SRGAP1: variants seen among roughly 807,000 people sequenced by gnomAD.
The protein encoded by SRGAP1 is SLIT-ROBO Rho GTPase activating protein 1, also known as SLIT-ROBO Rho GTPase-activating protein 1.
In SRGAP1, 43 loss-of-function variants were observed where a neutral mutation model predicts 121.9. That is an observed-to-expected ratio of 0.35 (90% CI 0.28 to 0.46). The LOEUF (loss-of-function observed/expected upper bound fraction) is 0.46. Among genes scored for constraint, SRGAP1 ranks in the 20% least tolerant of loss-of-function variants. SRGAP1 has a pLI of 1.00. For synonymous variants in SRGAP1, 447 were observed against 485.4 expected (o/e 0.92, Z 1.04); for missense variants, 1,102 against 1,350.9 (o/e 0.82, Z 2.89).
chr12:63,880,787 T>C (rs2136285958), intron 1 of SRGAP1, among the ~76,000 whole-genome samples: 1 of 152,360 alleles, frequency 6.6e-6, no homozygotes. Flanking sequence ...TCCACAGAAC[T>C]GTGGACTTTG....
At chr12:64,002,968 T>C (rs886910239) in intron 3 of SRGAP1, among the ~76,000 whole-genome samples, 2 of 150,258 alleles carry the variant, frequency 1.3e-5, no homozygotes, top group Non-Finnish European at 2.9e-5. Context: ...AATTCTGAGA[T>C]GACACAGATG....
intron 1 of SRGAP1, among the ~76,000 whole-genome samples, chr12:63,970,421 A>G (rs777493590): frequency 6.6e-6 from 1 of 152,214 alleles, no homozygotes; most frequent in Non-Finnish European, 1.5e-5. Flanking sequence ...AGACCTTACA[A>G]AAAACTTATA....
intron 3 of SRGAP1, among the ~76,000 whole-genome samples, chr12:63,998,632 A>G (rs2033785140): frequency 6.6e-6 from 1 of 152,184 alleles, no homozygotes; most frequent in African/African-American, 2.4e-5. Context: ...GATTATTTAT[A>G]TTCTTTTTCA....
chr12:63,892,424 T>G (rs1221786646), intron 1 of SRGAP1, among the ~76,000 whole-genome samples: 1 of 152,258 alleles, frequency 6.6e-6, no homozygotes, highest in Non-Finnish European at 1.5e-5. Flanking sequence ...ATGCCTTCTA[T>G]GTAATGATAT....
chr12:64,055,103 C>A (rs1487180588), intron 6 of SRGAP1, among the ~76,000 whole-genome samples: 1 of 150,978 alleles, frequency 6.6e-6, no homozygotes, highest in African/African-American at 2.4e-5. Flanking sequence ...TCTAGAAAAC[C>A]CCAATGTCTC....
intron 1 of SRGAP1, among the ~76,000 whole-genome samples, chr12:63,859,286 A>C (rs992571571): frequency 6.6e-6 from 1 of 152,110 alleles, no homozygotes; most frequent in South Asian, 2.1e-4. Context: ...CAGCCTCCCA[A>C]GTAGCTGGGA....
intron 1 of SRGAP1, among the ~76,000 whole-genome samples, chr12:63,877,195 G>T (rs999859836): frequency 6.6e-6 from 1 of 152,188 alleles, no homozygotes; most frequent in Non-Finnish European, 1.5e-5. Flanking sequence ...TTACACTCCA[G>T]CTTGGGCAAC....
chr12:64,084,112 C>A (rs2035896797), intron 10 of SRGAP1, among the ~76,000 whole-genome samples: 1 of 152,156 alleles, frequency 6.6e-6, no homozygotes, highest in African/African-American at 2.4e-5. Flanking sequence ...GAGCCATACA[C>A]ATTTTAAGTA....
At chr12:64,123,015 C>G (rs547275260) in intron 18 of SRGAP1, among the ~76,000 whole-genome samples, 178 of 152,278 alleles carry the variant, frequency 1.2e-3, no homozygotes, top group African/African-American at 4.1e-3. Context: ...CCAGCATTGA[C>G]AGTGTGTGAT....
At position 64,152,661 on chromosome 12, in the gene SRGAP1, A is replaced by T. The variant is rs1441607218; in HGVS notation, c.*9989A>T. The stretch of plus-strand genomic sequence containing the variant: ...GATGCTGTGTGCTCCCTCCGCATAT[A>T]CTTCATGTCATTCCTCAGCCTAAAA... On this transcript the variant is annotated 3_prime_UTR_variant, in exon 22 of 22. Coordinates refer to ENST00000355086, the MANE Select transcript of SRGAP1 (RefSeq NM_020762.4). 3 of 152,092 alleles carry T rather than the reference A, an allele frequency of 2.0e-5. No individual in the cohort carries two copies. Among genetic ancestry groups the T allele is most frequent in the Non-Finnish European group, 4.4e-5 (3 of 68,020 alleles). 9.4% of individuals were successfully genotyped at this position (152,092 alleles called of 1,614,324 possible). A position where few individuals can be genotyped will look rare whatever the true frequency, so the allele number is the denominator to read the frequency against.
chr12:63,860,754 G>A (rs955854761), intron 1 of SRGAP1, among the ~76,000 whole-genome samples: 2 of 151,342 alleles, frequency 1.3e-5, no homozygotes, highest in African/African-American at 4.8e-5. Flanking sequence ...TTGATTTACT[G>A]TATTGTATTT....
At position 64,144,392 on chromosome 12, in the gene SRGAP1, A is replaced by T. The variant is rs912104079; in HGVS notation, c.*1720A>T. The T allele has an allele frequency of 1.3e-5, 2 of 152,184 alleles. No individual in the cohort carries two copies. The highest frequency in any genetic ancestry group is 4.8e-5 in the African/African-American group (2 of 41,432). 9.4% of individuals were successfully genotyped at this position (152,184 alleles called of 1,614,324 possible). A position where few individuals can be genotyped will look rare whatever the true frequency, so the allele number is the denominator to read the frequency against. On this transcript the variant is annotated 3_prime_UTR_variant, in exon 22 of 22. Transcript: ENST00000355086. ...ATTTTACTTCATCAGCCCATTGGTGAATGCATCGTGCAGAAAAGAACTGGG... is the reference window on the plus strand; with the variant it reads ...ATTTTACTTCATCAGCCCATTGGTGTATGCATCGTGCAGAAAAGAACTGGG...
At chr12:63,956,870 A>G (rs2032490157) in intron 1 of SRGAP1, among the ~76,000 whole-genome samples, 1 of 152,128 alleles carries the variant, frequency 6.6e-6, no homozygotes, top group South Asian at 2.1e-4. Flanking sequence ...CATCCCCAAA[A>G]GAAACAACAC....
intron 1 of SRGAP1, among the ~76,000 whole-genome samples, chr12:63,982,063 A>G (rs529628964): frequency 6.6e-6 from 1 of 152,194 alleles, no homozygotes; most frequent in South Asian, 2.1e-4. Context: ...AATATAAAAA[A>G]TTAGCCAGGC....
rs2037102217 is a variant in SRGAP1 at position 64,150,169 on chromosome 12, G to A, written c.*7497G>A. The A allele has an allele frequency of 1.3e-5, 2 of 150,216 alleles. No individual in the cohort carries two copies. The highest frequency in any genetic ancestry group is 2.5e-5 in the African/African-American group (1 of 40,802). 9.3% of individuals were successfully genotyped at this position (150,216 alleles called of 1,614,324 possible). A position where few individuals can be genotyped will look rare whatever the true frequency, so the allele number is the denominator to read the frequency against. ...GCACGTGTGTGGGTGGGAGGGTGCG[G>A]AGGGGTTGGGAAGAGAGATTGCTCC... is the stretch of plus-strand genomic sequence containing the variant. On this transcript the variant is annotated 3_prime_UTR_variant, in exon 22 of 22. Coordinates refer to ENST00000355086, the MANE Select transcript of SRGAP1 (RefSeq NM_020762.4).
rs776919736 is a variant in SRGAP1, at chr12:64,108,055, A to G, written c.1814-877A>G. On this transcript the variant is annotated intron_variant, in intron 15 of 21. Transcript: ENST00000355086. ...AGTTCTCATTTTCCTAATCTGATAAATGGGGATGACAGTGTGTGCCCTGCC... is the reference window on the plus strand; with the variant it reads ...AGTTCTCATTTTCCTAATCTGATAAGTGGGGATGACAGTGTGTGCCCTGCC... 1.1e-4 allele frequency among the ~76,000 whole-genome samples: 17 copies of G among 152,322 alleles called. 1 individual carries two copies. Among genetic ancestry groups the G allele is most frequent in the South Asian group, 1.0e-3 (5 of 4,826 alleles).
intron 21 of SRGAP1, among the ~76,000 whole-genome samples, chr12:64,136,695 C>T (rs2036861629): frequency 6.6e-6 from 1 of 152,156 alleles, no homozygotes; most frequent in African/African-American, 2.4e-5. Flanking sequence ...AAGTGTACAG[C>T]AACTTCTCAG....
chr12:64,161,907 T>C lies in SRGAP1; in HGVS notation c.*19235T>C, dbSNP rs1033222079. 3.3e-5 allele frequency: 5 copies of C among 152,222 alleles called. No homozygotes were observed. Among genetic ancestry groups the C allele is most frequent in the Non-Finnish European group, 5.9e-5 (4 of 68,038 alleles). The allele number at this position is 152,222 out of a possible 1,614,324, so 9.4% of individuals were successfully genotyped here. On this transcript the variant is annotated 3_prime_UTR_variant, in exon 22 of 22. Coordinates refer to ENST00000355086, the MANE Select transcript of SRGAP1 (RefSeq NM_020762.4). ...ATGAAGATGGGAAAGAACGGAGTAC[T>C]GATACACGCTACAACATGGGTAAAC... is the stretch of plus-strand genomic sequence containing the variant.
intron 1 of SRGAP1, among the ~76,000 whole-genome samples, chr12:63,957,034 G>A (rs2032495276): frequency 6.6e-6 from 1 of 152,116 alleles, no homozygotes; most frequent in South Asian, 2.1e-4. Context: ...CCATGTTGTA[G>A]CATGTACCAG....
Sources: allele counts gnomAD v4.1 joint callset (sites outside exome capture counted in the v4.1 genomes callset), GRCh38; gene constraint gnomAD v4.1.1; transcripts MANE v1.5; gene names NCBI Gene and HGNC (gene_info 2026-07-23, HGNC 2026-07-21).